Variants in FASLG observed in about 807,000 individuals in gnomAD.
FASLG encodes tumor necrosis factor ligand superfamily member 6.
FASLG carries 9 observed loss-of-function variants against 24.6 expected under a neutral mutation model. The observed-to-expected ratio is 0.37, with a 90% CI of 0.22 to 0.64. The LOEUF (loss-of-function observed/expected upper bound fraction) is 0.64, where lower values mean the gene tolerates loss of function less well. Among genes scored for constraint, FASLG ranks in the 30% least tolerant of loss-of-function variants. The pLI, the probability that FASLG is intolerant of heterozygous loss-of-function variation, is 0.64. For missense variants in FASLG, 306 were observed against 345.3 expected (o/e 0.89, Z 0.90); for synonymous variants, 130 against 135.5 (o/e 0.96, Z 0.28).
Position 172,666,258 on chromosome 1 carries a change from A to ATTTTT in FASLG, c.*242_*243insTTTTT. The stretch of plus-strand genomic sequence containing the variant: ...ACTCTGGGCTGCCATGTGAAGAGGG[A>ATTTTT]GAAGCATGAAAAAGCAGCTACCAGG... On this transcript the variant is annotated 3_prime_UTR_variant, in exon 4 of 4. Transcript: ENST00000367721. The ATTTTT allele has an allele frequency of 3.7e-6, 2 of 539,890 alleles. No homozygotes were observed. Among genetic ancestry groups the ATTTTT allele is most frequent in the Admixed American group, 3.1e-5 (1 of 32,336 alleles). The allele number at this position is 539,890 out of a possible 1,614,324, so 33.4% of individuals were successfully genotyped here. A position where few individuals can be genotyped will look rare whatever the true frequency, so the allele number is the denominator to read the frequency against.
chr1:172,662,745 A>G (rs928146423), intron 2 of FASLG, among the ~76,000 whole-genome samples: 2 of 152,204 alleles, frequency 1.3e-5, no homozygotes, highest in Admixed American at 1.3e-4. Flanking sequence ...TATTTATTCC[A>G]GTATAGGTAC....
chr1:172,661,080 C>T (rs895922390), intron 2 of FASLG, among the ~76,000 whole-genome samples: 2 of 152,180 alleles, frequency 1.3e-5, no homozygotes, highest in African/African-American at 4.8e-5. Flanking sequence ...AACACAGGCT[C>T]TTGATGCCTT....
At chr1:172,662,698 A>G (rs1278483006) in intron 2 of FASLG, among the ~76,000 whole-genome samples, 1 of 152,198 alleles carries the variant, frequency 6.6e-6, no homozygotes, top group Non-Finnish European at 1.5e-5. Flanking sequence ...TGGGGCAGGA[A>G]GCACTCATAA....
chr1:172,660,055 T>G (rs1423910332), intron 1 of FASLG, 40 bp from the exon 2 acceptor site: 3 of 1,598,708 alleles, frequency 1.9e-6, no homozygotes, highest in South Asian at 2.2e-5. Context: ...TTAAAGAATT[T>G]TATTTTTATT....
intron 2 of FASLG, among the ~76,000 whole-genome samples, chr1:172,661,839 A>G (rs1291592773): frequency 6.6e-6 from 1 of 152,236 alleles, no homozygotes; most frequent in Non-Finnish European, 1.5e-5. Context: ...GCCAGTATAC[A>G]TGTAAATTGC....
chr1:172,659,702 G>A lies in FASLG; in HGVS notation c.348+153G>A, dbSNP rs552701115. Among the ~76,000 whole-genome samples, 3 of 152,024 alleles carry A rather than the reference G, an allele frequency of 2.0e-5. No individual in the cohort carries two copies. In the South Asian group the frequency reaches 6.3e-4, roughly 32 times the overall value. Reference sequence around the variant, plus strand: ...TATTCTATTCTATAGACAGAGAAATGGAGGCTCATAGGGGTGAAGGGAATA... The same window carrying A: ...TATTCTATTCTATAGACAGAGAAATAGAGGCTCATAGGGGTGAAGGGAATA... On this transcript the variant is annotated intron_variant, in intron 1 of 3. Coordinates refer to ENST00000367721, the MANE Select transcript of FASLG (RefSeq NM_000639.3).
At chr1:172,661,321 G>T (rs1659134591) in intron 2 of FASLG, among the ~76,000 whole-genome samples, 1 of 152,190 alleles carries the variant, frequency 6.6e-6, no homozygotes, top group African/African-American at 2.4e-5. Flanking sequence ...ACATGACCCA[G>T]TCGCCTGTCT....
intron 2 of FASLG, among the ~76,000 whole-genome samples, chr1:172,661,358 A>T (rs1659135268): frequency 1.3e-5 from 2 of 152,334 alleles, no homozygotes; most frequent in South Asian, 2.1e-4. Context: ...AAGTTCTTAT[A>T]TGAGCCACTG....
chr1:172,659,642 T>A (rs1659095668), intron 1 of FASLG, 93 bp downstream of exon 1: 1 of 482,720 alleles, frequency 2.1e-6, no homozygotes. Context: ...TTTTCAATCC[T>A]TTTTTTTTTT....
intron 2 of FASLG, among the ~76,000 whole-genome samples, chr1:172,662,675 C>T (rs973449867): frequency 1.3e-5 from 2 of 152,120 alleles, no homozygotes; most frequent in Non-Finnish European, 2.9e-5. Context: ...GGGAACGGCA[C>T]ATGCAAAAAC....
At chr1:172,662,360 G>C (rs1054102642) in intron 2 of FASLG, among the ~76,000 whole-genome samples, 1 of 151,752 alleles carries the variant, frequency 6.6e-6, no homozygotes, top group African/African-American at 2.4e-5. Context: ...ATTTTTTTCC[G>C]GTTAACTAAT....
chr1:172,659,265 C>T lies in FASLG; in HGVS notation c.64C>T (p.Pro22Ser). Residue 22 changes from proline (P) to serine (S), a missense_variant, in exon 1 of 4, where the codon CCC (proline) becomes TCC (serine). Transcript: ENST00000367721. ...CTGGGTGGACAGCAGTGCCAGCTCT[C>T]CCTGGGCCCCTCCAGGCACAGTTCT... is the stretch of plus-strand genomic sequence containing the variant. ...IYWVDSSASS[P>S]WAPPGTVLPC... is the part of the protein sequence containing the mutation. 1 of 1,614,168 alleles carries T rather than the reference C, an allele frequency of 6.2e-7. No homozygotes were observed. The highest frequency in any genetic ancestry group is 8.5e-7 in the Non-Finnish European group (1 of 1,180,018).
chr1:172,664,565 C>T (rs1659211557), intron 3 of FASLG, among the ~76,000 whole-genome samples, 175 bp downstream of exon 3: 1 of 152,162 alleles, frequency 6.6e-6, no homozygotes, highest in African/African-American at 2.4e-5. Flanking sequence ...CACTTTGATC[C>T]CCTATTCTCT....
chr1:172,665,955 C>A lies in FASLG; in HGVS notation c.785C>A (p.Ser262Tyr). 6.2e-7 allele frequency: 1 copy of A among 1,613,912 alleles called. No individual in the cohort carries two copies. The highest frequency in any genetic ancestry group is 8.5e-7 in the Non-Finnish European group (1 of 1,179,866). Residue 262 changes from serine to tyrosine, a missense_variant, in exon 4 of 4, where the codon TCT (serine) becomes TAT (tyrosine). Ser to Tyr is a moderately radical substitution (Grantham distance 144, BLOSUM62 -2). Transcript: ENST00000367721. ...GCTGATCATTTATATGTCAACGTAT[C>A]TGAGCTCTCTCTGGTCAATTTTGAG... is the stretch of plus-strand genomic sequence containing the variant. Reference protein sequence around the residue: ...TSADHLYVNVSELSLVNFEES... With the variant: ...TSADHLYVNVYELSLVNFEES...
rs114673102 is a variant in FASLG at position 172,659,928 on chromosome 1, A to C, written c.349-167A>C. 4.3e-3 allele frequency among the ~76,000 whole-genome samples: 660 copies of C among 152,362 alleles called. 6 individuals are homozygous for C. Among genetic ancestry groups the C allele is most frequent in the African/African-American group, 0.015 (616 of 41,580 alleles). ...GAAAATTGGTACGATTCCAAATCAC[A>C]AAACTGAGGGACAGTGAGGCAAAAT... On this transcript the variant is annotated intron_variant, in intron 1 of 3. Coordinates refer to ENST00000367721, the MANE Select transcript of FASLG (RefSeq NM_000639.3).
At chr1:172,661,792 A>T (rs999184628) in intron 2 of FASLG, among the ~76,000 whole-genome samples, 1 of 152,186 alleles carries the variant, frequency 6.6e-6, no homozygotes, top group Non-Finnish European at 1.5e-5. Flanking sequence ...ACTGACAAAG[A>T]TTTGAGAGAA....
chr1:172,663,602 G>A (rs560506753), intron 2 of FASLG, among the ~76,000 whole-genome samples: 5 of 152,316 alleles, frequency 3.3e-5, no homozygotes, highest in Admixed American at 3.3e-4. Flanking sequence ...CTCCCGTTGT[G>A]TGGCAATGCT....
At chr1:172,664,907 A>G (rs565325778) in intron 3 of FASLG, among the ~76,000 whole-genome samples, 1 of 152,332 alleles carries the variant, frequency 6.6e-6, no homozygotes, top group South Asian at 2.1e-4. Flanking sequence ...TACATAAATA[A>G]TGGAATAAAT....
rs995470381 is a variant in FASLG at position 172,666,530 on chromosome 1, G to A, written c.*514G>A. ...TCTAAATGCATATCCTGAGCCATCG[G>A]TGAAACTAACAGATAAGCAAGAGAG... On this transcript the variant is annotated 3_prime_UTR_variant, in exon 4 of 4. Transcript: ENST00000367721. The A allele has an allele frequency of 1.9e-5, 3 of 160,714 alleles. No individual in the cohort carries two copies. Among genetic ancestry groups the A allele is most frequent in the Non-Finnish European group, 4.2e-5 (3 of 72,114 alleles). 10.0% of individuals were successfully genotyped at this position (160,714 alleles called of 1,614,324 possible). A position where few individuals can be genotyped will look rare whatever the true frequency, so the allele number is the denominator to read the frequency against.
Sources: gnomAD v4.1 joint callset for allele counts (sites outside exome capture counted in the v4.1 genomes callset) on GRCh38, gnomAD v4.1.1 for gene constraint, MANE v1.5 for transcripts, NCBI Gene and HGNC (gene_info 2026-07-23, HGNC 2026-07-21) for gene names.